Variants in STK24 observed in about 807,000 individuals in gnomAD.
STK24 encodes serine/threonine-protein kinase 24.
In STK24, 21 loss-of-function variants were observed where a neutral mutation model predicts 55.6. That is an observed-to-expected ratio of 0.38 (90% CI 0.27 to 0.54). The LOEUF (loss-of-function observed/expected upper bound fraction) is 0.54. Ranked by LOEUF, STK24 falls within the 20% of genes least tolerant of loss-of-function variation. The pLI is 0.79. For synonymous variants in STK24, 200 were observed against 215.2 expected, an observed-to-expected ratio of 0.93 and a Z score of 0.62; for missense variants, 383 against 538.4, an observed-to-expected ratio of 0.71 and a Z score of 2.86.
chr13:98,521,960 C>T, intron 1 of STK24: 2 of 1,368,910 alleles, frequency 1.5e-6, no homozygotes, highest in African/African-American at 1.4e-5. Flanking sequence ...TCCAGTTTCT[C>T]CCATTTAAAA....
In STK24 at chr13:98,576,787, G is replaced by A; in HGVS notation, c.-1C>T. On this transcript the variant is annotated 5_prime_UTR_variant, in exon 1 of 11. Transcript: ENST00000539966. ...CCGACTGCACCGGGGAGTGAGCCAT[G>A]GCGCTCAGGACGGCCACTTCCTGGG... 3 of 1,424,802 alleles carry A rather than the reference G, an allele frequency of 2.1e-6. No homozygotes were observed. Among genetic ancestry groups the A allele is most frequent in the Non-Finnish European group, 2.8e-6 (3 of 1,088,334 alleles). The allele number at this position is 1,424,802 out of a possible 1,614,324, so 88.3% of individuals were successfully genotyped here. A position where few individuals can be genotyped will look rare whatever the true frequency, so the allele number is the denominator to read the frequency against.
At chr13:98,572,091 G>A (rs1481961444) in intron 1 of STK24, among the ~76,000 whole-genome samples, 1 of 152,178 alleles carries the variant, frequency 6.6e-6, no homozygotes, top group Non-Finnish European at 1.5e-5. Flanking sequence ...CTGTGTCACC[G>A]CTTTCCAACC....
chr13:98,539,141 C>T (rs913572154), intron 1 of STK24, among the ~76,000 whole-genome samples: 3 of 152,326 alleles, frequency 2.0e-5, no homozygotes, highest in African/African-American at 4.8e-5. Flanking sequence ...CCATTCGGCT[C>T]ACTCCAGCTG....
At chr13:98,524,707 C>T (rs778983437) in intron 1 of STK24, among the ~76,000 whole-genome samples, 1 of 152,212 alleles carries the variant, frequency 6.6e-6, no homozygotes, top group Non-Finnish European at 1.5e-5. Flanking sequence ...ACAGAAACCA[C>T]TGCGGGAGAA....
At chr13:98,489,539 AAT>A (rs1316257248) in intron 2 of STK24, among the ~76,000 whole-genome samples, 1 of 152,226 alleles carries the variant, frequency 6.6e-6, no homozygotes, top group Non-Finnish European at 1.5e-5. Flanking sequence ...AGGAACTTCT[AAT>A]GACAGAAAAG....
chr13:98,476,267 G>A (rs541695452), intron 3 of STK24, among the ~76,000 whole-genome samples: 10 of 150,020 alleles, frequency 6.7e-5, no homozygotes, highest in African/African-American at 2.2e-4. Context: ...GCAGAGTGGG[G>A]CAGTCAGTCA....
rs1317914815 is a variant in STK24, at chr13:98,575,404, TATACAC to T, written c.42+1335_42+1340del. On this transcript the variant is annotated intron_variant, in intron 1 of 10. Transcript: ENST00000539966. ...TACACACATATATATACTGCTTATA[TATACAC>T]ACACACACACACACACACATATACA... Among the ~76,000 whole-genome samples the T allele has an allele frequency of 3.4e-5, 5 of 146,842 alleles. No homozygotes were observed. In the East Asian group the frequency reaches 5.9e-4, roughly 17 times the overall value.
chr13:98,490,732 GCCT>G (rs1367227830), intron 2 of STK24, among the ~76,000 whole-genome samples: 1 of 151,864 alleles, frequency 6.6e-6, no homozygotes, highest in Non-Finnish European at 1.5e-5. Context: ...TGGAAGGAAG[GCCT>G]CATCCTCCCT....
At chr13:98,521,434 A>C (rs1896256518) in intron 1 of STK24, among the ~76,000 whole-genome samples, 1 of 152,178 alleles carries the variant, frequency 6.6e-6, no homozygotes, top group Admixed American at 6.5e-5. Flanking sequence ...AATGACCCAC[A>C]ATCAAAGCCC....
At chr13:98,472,909 T>C (rs904134791) in intron 5 of STK24, among the ~76,000 whole-genome samples, 2 of 152,096 alleles carry the variant, frequency 1.3e-5, no homozygotes, top group African/African-American at 4.8e-5. Flanking sequence ...TCAGCTTGCA[T>C]CTCAACTAGA....
intron 1 of STK24, among the ~76,000 whole-genome samples, chr13:98,524,564 T>C (rs1308564145): frequency 6.6e-6 from 1 of 152,176 alleles, no homozygotes; most frequent in Admixed American, 6.5e-5. Context: ...CGAATGCACC[T>C]CAGCCAGGCG....
In STK24 at chr13:98,493,793, A is replaced by G. The variant is rs370636449; in HGVS notation, c.274-11472T>C. Among the ~76,000 whole-genome samples, 22 of 151,992 alleles carry G rather than the reference A, an allele frequency of 1.4e-4. 2 individuals carry two copies. The highest frequency in any genetic ancestry group is 5.1e-4 in the African/African-American group (21 of 41,450). On this transcript the variant is annotated intron_variant, in intron 2 of 10. Transcript: ENST00000539966. ...ACCAAACAAGACCAAGTCAGAAAGT[A>G]TGTCTGAGAAAGAATAAAGACTTAA...
intron 1 of STK24, among the ~76,000 whole-genome samples, chr13:98,574,018 A>ATT (rs753527283): frequency 7.6e-4 from 109 of 142,818 alleles, no homozygotes; most frequent in African/African-American, 2.8e-3. Flanking sequence ...TTTTTATTTT[A>ATT]TTTTTTTTTT....
intron 1 of STK24, among the ~76,000 whole-genome samples, chr13:98,544,682 A>G (rs1896986158): frequency 6.6e-6 from 1 of 152,262 alleles, no homozygotes; most frequent in Admixed American, 6.5e-5. Flanking sequence ...CGCCTCTACA[A>G]GGAAAGACAG....
At chr13:98,488,206 C>CAT (rs1491378739) in intron 2 of STK24, among the ~76,000 whole-genome samples, 2 of 148,722 alleles carry the variant, frequency 1.3e-5, no homozygotes, top group African/African-American at 2.5e-5. Context: ...CACACACACA[C>CAT]GGGAAGACCA....
intron 9 of STK24, among the ~76,000 whole-genome samples, chr13:98,457,798 A>G (rs1209507885): frequency 2.0e-5 from 3 of 152,154 alleles, no homozygotes; most frequent in Non-Finnish European, 2.9e-5. Flanking sequence ...AGGTGATTCA[A>G]ATGCTCTGAG....
At chr13:98,472,193 C>A (rs1281356938) in intron 5 of STK24, among the ~76,000 whole-genome samples, 2 of 152,228 alleles carry the variant, frequency 1.3e-5, no homozygotes, top group African/African-American at 2.4e-5. Context: ...AAGGCCCCAG[C>A]GTGAAACCCC....
At chr13:98,513,492 G>A (rs573737961) in intron 2 of STK24, among the ~76,000 whole-genome samples, 1 of 152,228 alleles carries the variant, frequency 6.6e-6, no homozygotes, top group South Asian at 2.1e-4. Flanking sequence ...ACTGTCACCT[G>A]TGCCTTCAGT....
rs1892896760 is a variant in STK24 at position 98,447,128 on chromosome 13, A to C, written c.*6045T>G. 1 of 308,624 alleles carries C rather than the reference A, an allele frequency of 3.2e-6. No individual in the cohort carries two copies. Among genetic ancestry groups the C allele is most frequent in the Non-Finnish European group, 6.1e-6 (1 of 163,390 alleles). The allele number at this position is 308,624 out of a possible 1,614,324, so 19.1% of individuals were successfully genotyped here. ...CCCAGTGAGACTGCCTACATGGTGT[A>C]ATGGCAGGGACTGCAGACTTCATTT... On this transcript the variant is annotated 3_prime_UTR_variant, in exon 11 of 11. Coordinates refer to ENST00000539966, the MANE Select transcript of STK24 (RefSeq NM_001032296.4).
Sources: allele counts gnomAD v4.1 joint callset (sites outside exome capture counted in the v4.1 genomes callset), GRCh38; gene constraint gnomAD v4.1.1; transcripts MANE v1.5; gene names NCBI Gene and HGNC (gene_info 2026-07-23, HGNC 2026-07-21).